Variants in GPR158 observed in about 807,000 individuals in gnomAD.
The protein encoded by GPR158 is G protein-coupled receptor 158.
In GPR158, 30 loss-of-function variants were observed where a neutral mutation model predicts 78.2. That is an observed-to-expected ratio of 0.38 (90% confidence interval 0.29 to 0.52). GPR158 has a LOEUF of 0.52. GPR158 is among the 20% of genes least tolerant of loss of function. GPR158 has a pLI of 0.83. For synonymous variants in GPR158, 581 were observed against 591.1 expected (o/e 0.98, Z 0.25); for missense variants, 1,463 against 1,523.5 (o/e 0.96, Z 0.66).
chr10:25,399,620 C>G (rs1205883970), intron 3 of GPR158, among the ~76,000 whole-genome samples: 1 of 152,010 alleles, frequency 6.6e-6, no homozygotes, highest in African/African-American at 2.4e-5. Flanking sequence ...ACTCTTTGAC[C>G]AAAAATATCT....
At chr10:25,188,682 T>A (rs1210879178) in intron 1 of GPR158, among the ~76,000 whole-genome samples, 8 of 152,066 alleles carry the variant, frequency 5.3e-5, no homozygotes, top group South Asian at 2.1e-4. Flanking sequence ...TAAAAACCCT[T>A]GAAGAAAACC....
chr10:25,577,862 ATAAGG>A (rs1403586678), intron 7 of GPR158, among the ~76,000 whole-genome samples: 1 of 152,008 alleles, frequency 6.6e-6, no homozygotes, highest in African/African-American at 2.4e-5. Context: ...GTATAAAAAA[ATAAGG>A]TAAGATTTAA....
chr10:25,369,711 T>A (rs1289612395), intron 2 of GPR158, among the ~76,000 whole-genome samples: 4 of 151,730 alleles, frequency 2.6e-5, no homozygotes, highest in Non-Finnish European at 5.9e-5. Flanking sequence ...TTCCCTCTTT[T>A]TCTGTTGATT....
At chr10:25,485,758 A>G (rs1475861184) in intron 5 of GPR158, among the ~76,000 whole-genome samples, 1 of 152,162 alleles carries the variant, frequency 6.6e-6, no homozygotes, top group African/African-American at 2.4e-5. Context: ...TGATTTGTCT[A>G]TCCTTGAGTA....
chr10:25,397,041 C>G (rs922484453), intron 3 of GPR158, among the ~76,000 whole-genome samples: 1 of 152,164 alleles, frequency 6.6e-6, no homozygotes, highest in African/African-American at 2.4e-5. Context: ...GAGAATCTCC[C>G]TCACCTGCTA....
At position 25,176,329 on chromosome 10, in the gene GPR158, A is replaced by G. The variant is rs1171796911; in HGVS notation, c.902+7A>G. ...ACCTGGTCCCGGAATTCAGGTAGGG[A>G]GGGCCGGGGGGCAGGGGGGAAGGCA... On this transcript the variant is annotated splice_region_variant and intron_variant, in intron 1 of 10. Coordinates refer to ENST00000376351, the MANE Select transcript of GPR158 (RefSeq NM_020752.3). This position sits in a 1 kb window ranked among gnomAD's most constrained non-coding sequence, Gnocchi z 6.3. 4.5e-6 allele frequency: 7 copies of G among 1,562,602 alleles called. No homozygotes were observed. The highest frequency in any genetic ancestry group is 6.1e-6 in the Non-Finnish European group (7 of 1,153,496).
intron 5 of GPR158, among the ~76,000 whole-genome samples, chr10:25,540,781 G>A (rs1266267922): frequency 2.0e-5 from 3 of 151,642 alleles, no homozygotes; most frequent in Non-Finnish European, 4.4e-5. Context: ...ATCACACACC[G>A]GGGCCTGTCG....
intron 4 of GPR158, among the ~76,000 whole-genome samples, chr10:25,421,331 T>A (rs575607597): frequency 6.6e-6 from 1 of 152,192 alleles, no homozygotes; most frequent in African/African-American, 2.4e-5. Context: ...TACTTAGCAA[T>A]TGATGTTCCT....
At position 25,547,901 on chromosome 10, in the gene GPR158, G is replaced by A. The variant is rs79728188; in HGVS notation, c.1405-3075G>A. 1.6e-3 allele frequency among the ~76,000 whole-genome samples: 239 copies of A among 152,236 alleles called. 1 individual carries two copies. Among genetic ancestry groups the A allele is most frequent in the African/African-American group, 5.5e-3 (230 of 41,554 alleles). ...TAGTGTCTAGCATATAGTAAGTGTT[G>A]CCTAAATATTTAGTGAATCATATTT... On this transcript the variant is annotated intron_variant, in intron 5 of 10. Transcript: ENST00000376351.
At chr10:25,309,215 C>CTGTGTGTGTG (rs111485518) in intron 2 of GPR158, among the ~76,000 whole-genome samples, 118 of 150,572 alleles carry the variant, frequency 7.8e-4, no homozygotes, top group Admixed American at 3.3e-3. Flanking sequence ...TTGTTATTTT[C>CTGTGTGTGTG]TGTGTGTGTG....
intron 5 of GPR158, among the ~76,000 whole-genome samples, chr10:25,516,373 A>C (rs913852704): frequency 7.9e-5 from 12 of 151,844 alleles, no homozygotes; most frequent in African/African-American, 2.4e-4. Context: ...TCTTTAGTTT[A>C]ATTAGATCCC....
At chr10:25,538,577 C>T (rs7101306) in intron 5 of GPR158, among the ~76,000 whole-genome samples, 2 of 152,116 alleles carry the variant, frequency 1.3e-5, no homozygotes, top group African/African-American at 4.8e-5. Context: ...ATTATAGCCT[C>T]GAACTCCTGG....
chr10:25,243,142 C>T (rs184420832), intron 2 of GPR158, among the ~76,000 whole-genome samples: 1 of 152,374 alleles, frequency 6.6e-6, no homozygotes, highest in East Asian at 1.9e-4. Flanking sequence ...CAACAAATCT[C>T]CCCCTCCTTA....
chr10:25,534,586 C>CAAAAAAAA (rs57381468), intron 5 of GPR158, among the ~76,000 whole-genome samples: 1 of 110,176 alleles, frequency 9.1e-6, no homozygotes, highest in Non-Finnish European at 2.2e-5. Flanking sequence ...ACTAAAAATG[C>CAAAAAAAA]AAAAAAAAAA....
rs191868313 is a variant in GPR158 at position 25,340,169 on chromosome 10, G to A, written c.1009-55742G>A. On this transcript the variant is annotated intron_variant, in intron 2 of 10. Transcript: ENST00000376351. ...GAGGTATTCTTCCCTCAGGATCTTG[G>A]ATCCTCAAGTCCTGGTTGCTTTGGT... Among the ~76,000 whole-genome samples the A allele has an allele frequency of 3.3e-3, 504 of 152,090 alleles. 3 individuals are homozygous for A. Among genetic ancestry groups the A allele is most frequent in the African/African-American group, 0.011 (466 of 41,498 alleles).
Position 25,218,201 on chromosome 10 carries a change from C to T in GPR158, c.903-2851C>T, listed in dbSNP as rs150396221. ...CCCCAGGGTTTTGTAAGTCTCTGGG[C>T]GCCCAGGCTTAGGCTGTAATGAAGA... On this transcript the variant is annotated intron_variant, in intron 1 of 10. Transcript: ENST00000376351. 2.5e-3 allele frequency among the ~76,000 whole-genome samples: 385 copies of T among 152,210 alleles called. 3 individuals carry two copies. Among genetic ancestry groups the T allele is most frequent in the Non-Finnish European group, 3.2e-3 (217 of 68,016 alleles).
At chr10:25,489,777 T>A (rs953256784) in intron 5 of GPR158, among the ~76,000 whole-genome samples, 5 of 152,128 alleles carry the variant, frequency 3.3e-5, no homozygotes, top group Admixed American at 1.3e-4. Flanking sequence ...AGTGGGGGAA[T>A]GAGTGCTACT....
At chr10:25,492,075 A>G (rs895304372) in intron 5 of GPR158, among the ~76,000 whole-genome samples, 5 of 152,128 alleles carry the variant, frequency 3.3e-5, no homozygotes, top group African/African-American at 4.8e-5. Context: ...GCTTCCACTC[A>G]TGGTGGAAGG....
chr10:25,212,022 C>T (rs1392952204), intron 1 of GPR158, among the ~76,000 whole-genome samples: 3 of 152,106 alleles, frequency 2.0e-5, no homozygotes, highest in Non-Finnish European at 4.4e-5. Flanking sequence ...TAAGCTATTT[C>T]TCAAAAATTC....
Sources: allele counts gnomAD v4.1 joint callset (sites outside exome capture counted in the v4.1 genomes callset), GRCh38; gene constraint gnomAD v4.1.1; non-coding constraint Gnocchi (gnomAD v3.1); transcripts MANE v1.5; gene names NCBI Gene and HGNC (gene_info 2026-07-23, HGNC 2026-07-21).